PLXDC2: variants seen among roughly 807,000 people sequenced by gnomAD.
The protein encoded by PLXDC2 is plexin domain-containing protein 2.
PLXDC2 carries 40 observed loss-of-function variants against 68.9 expected under a neutral mutation model. That is an observed-to-expected ratio of 0.58 (90% CI 0.45 to 0.76). PLXDC2 has a LOEUF of 0.76. PLXDC2 is among the 30% of genes least tolerant of loss of function. The pLI is 0.00. For synonymous variants in PLXDC2, 243 were observed against 234.2 expected, an observed-to-expected ratio of 1.04 and a Z score of -0.34; for missense variants, 644 against 661.9, an observed-to-expected ratio of 0.97 and a Z score of 0.30.
At chr10:19,852,425 CAAAAAAAAAAAAAAAAAAAAAAAAAAA>C (rs61430454) in intron 1 of PLXDC2, among the ~76,000 whole-genome samples, 4 of 61,938 alleles carry the variant, frequency 6.5e-5, no homozygotes, top group Admixed American at 2.4e-4. Context: ...GACCCTGTCT[CAAAAAAAAAAAAAAAAAAAAAAAAAAA>C]AAAAAAAAAA....
chr10:19,954,936 C>G (rs1013160329), intron 1 of PLXDC2, among the ~76,000 whole-genome samples: 1 of 152,122 alleles, frequency 6.6e-6, no homozygotes, highest in Non-Finnish European at 1.5e-5. Context: ...GACCCTTTTC[C>G]TAAAGCAAAT....
At chr10:19,837,365 CT>C (rs1247548798) in intron 1 of PLXDC2, among the ~76,000 whole-genome samples, 1 of 150,894 alleles carries the variant, frequency 6.6e-6, no homozygotes, top group African/African-American at 2.4e-5. Context: ...CAACATTGCT[CT>C]GTTTTCTCAT....
At position 20,143,295 on chromosome 10, in the gene PLXDC2, G is replaced by A. The variant is rs1834030500; in HGVS notation, c.542G>A (p.Gly181Asp). Residue 181 changes from glycine to aspartate, a missense_variant and splice_region_variant, in exon 5 of 14, where the codon GGT becomes GAT. Coordinates refer to ENST00000377252, the MANE Select transcript of PLXDC2 (RefSeq NM_032812.9). Reference protein sequence around the residue: ...FLREITVATGGFIYTGEVVHR... With the variant: ...FLREITVATGDFIYTGEVVHR... The stretch of plus-strand genomic sequence containing the variant: ...ATGTTTCCTATTTTTCTAATTCTAG[G>A]TTTCATATACACTGGAGAAGTCGTA... The A allele has an allele frequency of 6.2e-7, 1 of 1,605,114 alleles. No homozygotes were observed. Among genetic ancestry groups the A allele is most frequent in the Non-Finnish European group, 8.5e-7 (1 of 1,175,678 alleles).
chr10:20,223,039 AGAG>A (rs1835235778), intron 12 of PLXDC2, among the ~76,000 whole-genome samples: 1 of 152,164 alleles, frequency 6.6e-6, no homozygotes, highest in Non-Finnish European at 1.5e-5. Flanking sequence ...TGGCAGAAGA[AGAG>A]GAGAGAGGAA....
chr10:19,936,501 G>A (rs1046278225), intron 1 of PLXDC2, among the ~76,000 whole-genome samples: 1 of 152,176 alleles, frequency 6.6e-6, no homozygotes, highest in Admixed American at 6.5e-5. Context: ...ACAAAAACAG[G>A]TGATGGCTGG....
chr10:20,217,007 A>C (rs761139774), intron 10 of PLXDC2, among the ~76,000 whole-genome samples: 2 of 152,362 alleles, frequency 1.3e-5, no homozygotes, highest in South Asian at 4.1e-4. Flanking sequence ...TAGCATTGTC[A>C]GTTTGATACG....
intron 2 of PLXDC2, among the ~76,000 whole-genome samples, chr10:20,031,988 T>A (rs932218525): frequency 6.6e-6 from 1 of 151,976 alleles, no homozygotes; most frequent in East Asian, 1.9e-4. Flanking sequence ...TCCAGCTAAT[T>A]TTTTGTATTT....
chr10:20,193,203 C>A (rs1408004473), intron 9 of PLXDC2, among the ~76,000 whole-genome samples: 2 of 152,012 alleles, frequency 1.3e-5, no homozygotes, highest in Non-Finnish European at 2.9e-5. Flanking sequence ...ATTCTTGTGA[C>A]ACAGACCATA....
chr10:19,973,299 TATATATATACTCACATATATATGTATAC>T (rs201568147), intron 1 of PLXDC2, among the ~76,000 whole-genome samples: 13,483 of 129,366 alleles, frequency 0.1, 659 homozygotes, highest in Admixed American at 0.12. Flanking sequence ...TATATATGTA[TATATATATACTCACATATATATGTATAC>T]ATATATATGT....
intron 13 of PLXDC2, among the ~76,000 whole-genome samples, chr10:20,278,619 C>CT (rs1836039778): frequency 5.1e-5 from 2 of 39,446 alleles, no homozygotes; most frequent in Non-Finnish European, 1.5e-4. Context: ...TAATTACCTT[C>CT]ATTTTTTTTT....
chr10:19,864,691 G>A (rs562951116), intron 1 of PLXDC2, among the ~76,000 whole-genome samples: 4 of 152,292 alleles, frequency 2.6e-5, no homozygotes, highest in Admixed American at 6.5e-5. Context: ...TATGATAAGC[G>A]TTGTGCTAGG....
At chr10:19,844,934 G>T (rs1836978094) in intron 1 of PLXDC2, among the ~76,000 whole-genome samples, 1 of 152,148 alleles carries the variant, frequency 6.6e-6, no homozygotes, top group Admixed American at 6.5e-5. Flanking sequence ...CAGGGTACTG[G>T]ACATTGGAAC....
chr10:19,873,406 CTTTTTTT>C (rs1049862345), intron 1 of PLXDC2, among the ~76,000 whole-genome samples: 11 of 115,672 alleles, frequency 9.5e-5, no homozygotes, highest in African/African-American at 1.9e-4. Flanking sequence ...TCTTCTTCGT[CTTTTTTT>C]TTTTTTTTTT....
chr10:19,962,309 T>C (rs1834165925), intron 1 of PLXDC2, among the ~76,000 whole-genome samples: 1 of 147,210 alleles, frequency 6.8e-6, no homozygotes, highest in Non-Finnish European at 1.5e-5. Flanking sequence ...AACAGTAATA[T>C]GATAAAATGT....
intron 9 of PLXDC2, among the ~76,000 whole-genome samples, chr10:20,195,955 A>G (rs1276324663): frequency 6.6e-6 from 1 of 152,174 alleles, no homozygotes; most frequent in Non-Finnish European, 1.5e-5. Context: ...AGGCACCAAC[A>G]AAGTAAAAGT....
intron 11 of PLXDC2, among the ~76,000 whole-genome samples, 162 bp downstream of exon 11, chr10:20,217,738 G>A (rs1475792463): frequency 6.6e-6 from 1 of 150,908 alleles, no homozygotes; most frequent in Admixed American, 6.6e-5. Flanking sequence ...TTCCAAAGGG[G>A]AAAAAGACAA....
chr10:20,243,593 TC>T (rs1237595183), intron 12 of PLXDC2, among the ~76,000 whole-genome samples: 2 of 152,168 alleles, frequency 1.3e-5, no homozygotes, highest in Non-Finnish European at 2.9e-5. Flanking sequence ...TATCTGGAAT[TC>T]CGTCAGTTCA....
intron 2 of PLXDC2, among the ~76,000 whole-genome samples, chr10:20,013,515 C>T (rs1589585782): frequency 6.6e-6 from 1 of 152,108 alleles, no homozygotes; most frequent in African/African-American, 2.4e-5. Flanking sequence ...TTCCTAAGAA[C>T]ATTTAGGTTA....
chr10:20,003,520 C>T (rs1031409829), intron 2 of PLXDC2, among the ~76,000 whole-genome samples: 10 of 152,044 alleles, frequency 6.6e-5, no homozygotes, highest in African/African-American at 2.4e-4. Context: ...GCAACCTCTG[C>T]CTCCTGGATT....
Sources: allele counts gnomAD v4.1 joint callset (sites outside exome capture counted in the v4.1 genomes callset), GRCh38; gene constraint gnomAD v4.1.1; transcripts MANE v1.5; gene names NCBI Gene and HGNC (gene_info 2026-07-23, HGNC 2026-07-21).